Variants in SCARA5 observed in about 807,000 individuals in gnomAD.
The protein encoded by SCARA5 is scavenger receptor class A member 5.
Under a neutral mutation model 46.3 loss-of-function variants are expected in SCARA5, and 45 were observed. That is an observed-to-expected ratio of 0.97 (90% CI 0.76 to 1.24). The LOEUF (loss-of-function observed/expected upper bound fraction) is 1.24, where lower values mean the gene tolerates loss of function less well. Ranked by LOEUF, SCARA5 falls within the 50% of genes most tolerant of loss-of-function variation. SCARA5 has a pLI of 0.00. For missense variants in SCARA5, 680 were observed against 689.0 expected, an observed-to-expected ratio of 0.99 and a Z score of 0.15; for synonymous variants, 333 against 306.5, an observed-to-expected ratio of 1.09 and a Z score of -0.90.
chr8:27,950,722 G>A (rs11994699), intron 3 of SCARA5, among the ~76,000 whole-genome samples: 107,073 of 151,888 alleles, frequency 0.7, 38,222 homozygotes, highest in South Asian at 0.88. Context: ...TAGGGCAGGT[G>A]CCTTGGTCTC....
At chr8:27,898,028 C>T (rs965815694) in intron 7 of SCARA5, among the ~76,000 whole-genome samples, 1 of 152,214 alleles carries the variant, frequency 6.6e-6, no homozygotes, top group Admixed American at 6.5e-5. Flanking sequence ...GGTCTCTCTC[C>T]CTCTGGCCAG....
chr8:27,929,401 T>C (rs1490390790), intron 3 of SCARA5, among the ~76,000 whole-genome samples: 1 of 152,152 alleles, frequency 6.6e-6, no homozygotes, highest in African/African-American at 2.4e-5. Flanking sequence ...GCTGGGTAGG[T>C]ACATGTGTAT....
At chr8:27,990,495 G>T (rs1173769510) in intron 1 of SCARA5, among the ~76,000 whole-genome samples, 1 of 152,100 alleles carries the variant, frequency 6.6e-6, no homozygotes, top group Non-Finnish European at 1.5e-5. Flanking sequence ...GATGGCATTT[G>T]CATTCCGTCC....
At chr8:27,904,974 G>A in intron 6 of SCARA5, 140 bp from the exon 7 acceptor site, 1 of 743,130 alleles carries the variant, frequency 1.3e-6, no homozygotes. Flanking sequence ...AGCCCAGCAG[G>A]CAGGAGAAGA....
intron 8 of SCARA5, among the ~76,000 whole-genome samples, chr8:27,874,414 C>T (rs1806690898): frequency 6.6e-6 from 1 of 152,234 alleles, no homozygotes; most frequent in South Asian, 2.1e-4. Context: ...CCACAGTCCA[C>T]AGCATGTAAC....
chr8:27,896,440 T>C (rs1807064885), intron 7 of SCARA5, among the ~76,000 whole-genome samples: 1 of 152,176 alleles, frequency 6.6e-6, no homozygotes, highest in African/African-American at 2.4e-5. Context: ...CAGGACTGTC[T>C]TGAGAACCAG....
At chr8:27,990,286 G>A (rs1281801300) in intron 1 of SCARA5, among the ~76,000 whole-genome samples, 1 of 152,176 alleles carries the variant, frequency 6.6e-6, no homozygotes, top group African/African-American at 2.4e-5. Context: ...CTCTACTCAT[G>A]TTTGTTACTT....
Position 27,870,350 on chromosome 8 carries a change from A to T in SCARA5, c.*1584T>A, listed in dbSNP as rs1267358061. 1 of 152,502 alleles carries T rather than the reference A, an allele frequency of 6.6e-6. No homozygotes were observed. Among genetic ancestry groups the T allele is most frequent in the Non-Finnish European group, 1.5e-5 (1 of 68,030 alleles). 9.4% of individuals were successfully genotyped at this position (152,502 alleles called of 1,614,324 possible). A position where few individuals can be genotyped will look rare whatever the true frequency, so the allele number is the denominator to read the frequency against. ...ATGCATGAGTACATGCGTGTTATGT[A>T]AACATAGCAATTGGTCAGAAAGAGA... On this transcript the variant is annotated 3_prime_UTR_variant, in exon 9 of 9. Transcript: ENST00000354914.
chr8:27,922,015 C>A lies in SCARA5; in HGVS notation c.472G>T (p.Ala158Ser). ...GCCTGCTCGGTCTGCACCGCCTGCGCCTGCAGCCCCCACAGCGCGCCCTCC... is the reference window on the plus strand; with the variant it reads ...GCCTGCTCGGTCTGCACCGCCTGCGACTGCAGCCCCCACAGCGCGCCCTCC... ...RLEGALWGLQ[A>S]QAVQTEQAVA... The change falls in exon 4 of 9, where the codon GCG becomes TCG. Residue 158 changes from alanine to serine, a missense_variant. Ala to Ser is a moderately conservative substitution (Grantham distance 99, BLOSUM62 1). Transcript: ENST00000354914. The A allele has an allele frequency of 6.4e-7, 1 of 1,570,874 alleles. No individual in the cohort carries two copies. Among genetic ancestry groups the A allele is most frequent in the Admixed American group, 1.8e-5 (1 of 55,932 alleles).
chr8:27,965,723 A>G (rs1271546417), intron 3 of SCARA5, among the ~76,000 whole-genome samples: 2 of 152,216 alleles, frequency 1.3e-5, no homozygotes, highest in African/African-American at 4.8e-5. Context: ...GTGGGAACTG[A>G]GCAGCCCTTC....
At position 27,922,224 on chromosome 8, in the gene SCARA5, G is replaced by T; in HGVS notation, c.263C>A (p.Pro88His). ...GCGAGTCAGGGCCTTCAGGTCGTCA[G>T]GGGAGCTGCGCGGCCTGGACACTGC... ...ILAVSRPRSS[P>H]DDLKALTRNV... Residue 88 changes from proline to histidine, a missense_variant, in exon 4 of 9, where the codon CCT becomes CAT. Around this residue, in one of 3 missense-constraint regions of SCARA5, gnomAD observed 438 missense variants for 384.5 expected, o/e 1.14. Transcript: ENST00000354914. 1 of 1,577,330 alleles carries T rather than the reference G, an allele frequency of 6.3e-7. No homozygotes were observed.
chr8:27,906,123 A>G (rs1397194114), intron 6 of SCARA5, among the ~76,000 whole-genome samples: 1 of 152,250 alleles, frequency 6.6e-6, no homozygotes, highest in African/African-American at 2.4e-5. Context: ...ATCACTGACC[A>G]GAAAGTAAAA....
chr8:27,901,511 T>A (rs1033816788), intron 7 of SCARA5, among the ~76,000 whole-genome samples: 1 of 152,072 alleles, frequency 6.6e-6, no homozygotes, highest in Non-Finnish European at 1.5e-5. Context: ...TGTCAGAATT[T>A]CCACACTTTT....
intron 3 of SCARA5, among the ~76,000 whole-genome samples, chr8:27,957,584 G>A (rs937663774): frequency 6.6e-6 from 1 of 152,230 alleles, no homozygotes; most frequent in Non-Finnish European, 1.5e-5. Context: ...ACCACTGGGT[G>A]TTAGATTCTG....
chr8:27,893,320 G>A (rs1315844194), intron 7 of SCARA5, among the ~76,000 whole-genome samples: 1 of 152,182 alleles, frequency 6.6e-6, no homozygotes, highest in Non-Finnish European at 1.5e-5. Context: ...TGTTAAGCAA[G>A]GCAGCTCTGG....
At chr8:27,897,993 C>G (rs904205472) in intron 7 of SCARA5, among the ~76,000 whole-genome samples, 2 of 152,180 alleles carry the variant, frequency 1.3e-5, no homozygotes, top group Admixed American at 6.5e-5. Flanking sequence ...GCATTTTTTC[C>G]CTGCCAGGGC....
At chr8:27,879,859 A>C (rs1435970551) in intron 7 of SCARA5, 93 bp from the exon 8 acceptor site, 3 of 1,211,454 alleles carry the variant, frequency 2.5e-6, no homozygotes, top group Non-Finnish European at 3.5e-6. Flanking sequence ...CCTGGGTAGG[A>C]GGAAGAGAGG....
At chr8:27,891,648 C>A (rs974870292) in intron 7 of SCARA5, among the ~76,000 whole-genome samples, 1 of 152,208 alleles carries the variant, frequency 6.6e-6, no homozygotes, top group Non-Finnish European at 1.5e-5. Context: ...CCCTGTCCCC[C>A]GTGGGATGCA....
intron 3 of SCARA5, among the ~76,000 whole-genome samples, chr8:27,954,173 A>C (rs1310510560): frequency 2.0e-5 from 3 of 151,950 alleles, no homozygotes; most frequent in Admixed American, 1.3e-4. Flanking sequence ...AGGTACCAGG[A>C]CCCTCTGCTG....
Sources: allele counts gnomAD v4.1 joint callset (sites outside exome capture counted in the v4.1 genomes callset), GRCh38; gene constraint gnomAD v4.1.1; regional missense constraint gnomAD v4.1.1; transcripts MANE v1.5; gene names NCBI Gene and HGNC (gene_info 2026-07-23, HGNC 2026-07-21).